Variants in NLGN1 observed in about 807,000 individuals in gnomAD.
The protein encoded by NLGN1 is neuroligin-1.
Under a neutral mutation model 65.5 loss-of-function variants are expected in NLGN1, and 12 were observed. The observed-to-expected ratio is 0.18, with a 90% confidence interval of 0.12 to 0.30. The LOEUF (loss-of-function observed/expected upper bound fraction) is 0.30. Among genes scored for constraint, NLGN1 ranks in the 10% least tolerant of loss-of-function variants. NLGN1 has a pLI of 1.00. For missense variants in NLGN1, 750 were observed against 1,007.1 expected (o/e 0.74, Z 3.46); for synonymous variants, 350 against 359.5 (o/e 0.97, Z 0.30).
intron 4 of NLGN1, among the ~76,000 whole-genome samples, chr3:173,877,739 A>G (rs888005845): frequency 6.6e-6 from 1 of 152,216 alleles, no homozygotes; most frequent in Admixed American, 6.5e-5. Flanking sequence ...TAAAATGTAC[A>G]TATCCAATTT....
chr3:173,710,990 A>G (rs1351593913), intron 3 of NLGN1, among the ~76,000 whole-genome samples: 1 of 152,196 alleles, frequency 6.6e-6, no homozygotes, highest in African/African-American at 2.4e-5. Context: ...GTGTCTGTCT[A>G]TGAGTTTGAG....
chr3:173,509,372 A>ATT (rs1380159264), intron 2 of NLGN1, among the ~76,000 whole-genome samples: 1 of 151,538 alleles, frequency 6.6e-6, no homozygotes, highest in Non-Finnish European at 1.5e-5. Flanking sequence ...ATTTGTTTTT[A>ATT]TTTTTTCAAA....
chr3:173,953,891 A>T (rs755513292), intron 4 of NLGN1, among the ~76,000 whole-genome samples: 8 of 152,064 alleles, frequency 5.3e-5, no homozygotes, highest in African/African-American at 1.7e-4. Context: ...ATGGTCCCCC[A>T]TTTTACTATC....
At chr3:173,763,315 C>T (rs910370404) in intron 3 of NLGN1, among the ~76,000 whole-genome samples, 7 of 152,028 alleles carry the variant, frequency 4.6e-5, no homozygotes, top group Non-Finnish European at 1.0e-4. Context: ...TACATATTCT[C>T]TTGTCTAATT....
chr3:174,265,601 C>T (rs1243937641), intron 4 of NLGN1, among the ~76,000 whole-genome samples: 2 of 151,902 alleles, frequency 1.3e-5, no homozygotes. Flanking sequence ...GTGAGATGAA[C>T]CCGGTACCTC....
At chr3:174,122,489 G>C (rs1717985438) in intron 4 of NLGN1, among the ~76,000 whole-genome samples, 1 of 152,106 alleles carries the variant, frequency 6.6e-6, no homozygotes. Flanking sequence ...GGATCCCTTA[G>C]TCTTTTATTA....
At chr3:174,199,207 C>T (rs1049932458) in intron 4 of NLGN1, among the ~76,000 whole-genome samples, 7 of 152,148 alleles carry the variant, frequency 4.6e-5, no homozygotes, top group African/African-American at 1.2e-4. Context: ...AACCTTGCTA[C>T]GCTGAGAGTA....
intron 4 of NLGN1, among the ~76,000 whole-genome samples, chr3:173,907,785 A>T (rs574009338): frequency 1.5e-3 from 228 of 151,484 alleles, no homozygotes; most frequent in African/African-American, 5.3e-3. Flanking sequence ...GGGTTTCACC[A>T]TGTTGGCCAG....
chr3:174,227,913 T>C (rs929805669), intron 4 of NLGN1, among the ~76,000 whole-genome samples: 1 of 152,092 alleles, frequency 6.6e-6, no homozygotes, highest in African/African-American at 2.4e-5. Flanking sequence ...ATTTGGCCAC[T>C]GTATGAGCAT....
At chr3:174,180,363 G>A (rs945348808) in intron 4 of NLGN1, among the ~76,000 whole-genome samples, 59 of 152,114 alleles carry the variant, frequency 3.9e-4, no homozygotes, top group African/African-American at 1.4e-3. Flanking sequence ...GACTGACCTA[G>A]ACAAATAATT....
intron 3 of NLGN1, among the ~76,000 whole-genome samples, chr3:173,669,110 C>T (rs1219760034): frequency 6.6e-6 from 1 of 151,990 alleles, no homozygotes; most frequent in Admixed American, 6.6e-5. Context: ...AAGTCATTGC[C>T]GGGTTTTAAT....
intron 4 of NLGN1, among the ~76,000 whole-genome samples, chr3:173,828,054 A>G (rs375139928): frequency 6.6e-6 from 1 of 152,138 alleles, no homozygotes; most frequent in Non-Finnish European, 1.5e-5. Context: ...ACATTGACAC[A>G]TGAAATTAAC....
At chr3:173,802,626 C>G (rs775688196) in intron 3 of NLGN1, among the ~76,000 whole-genome samples, 11 of 152,058 alleles carry the variant, frequency 7.2e-5, no homozygotes, top group Non-Finnish European at 1.3e-4. Flanking sequence ...CAAATGTTGA[C>G]TCGACATCAC....
At chr3:174,189,326 G>A (rs1424900857) in intron 4 of NLGN1, among the ~76,000 whole-genome samples, 1 of 151,950 alleles carries the variant, frequency 6.6e-6, no homozygotes, top group Non-Finnish European at 1.5e-5. Context: ...GAAGAATTAT[G>A]GAAGAAGGTG....
intron 3 of NLGN1, among the ~76,000 whole-genome samples, chr3:173,618,792 A>G (rs1753539045): frequency 6.6e-6 from 1 of 152,106 alleles, no homozygotes; most frequent in African/African-American, 2.4e-5. Flanking sequence ...TAAGAATGTT[A>G]TTGACCTATA....
chr3:173,584,172 A>C (rs939358414), intron 2 of NLGN1, among the ~76,000 whole-genome samples: 3 of 151,002 alleles, frequency 2.0e-5, no homozygotes, highest in Non-Finnish European at 2.9e-5. Context: ...AAGTAGTCAT[A>C]TACTATTCAT....
chr3:173,712,772 T>G (rs1454902339), intron 3 of NLGN1, among the ~76,000 whole-genome samples: 1 of 152,128 alleles, frequency 6.6e-6, no homozygotes, highest in Non-Finnish European at 1.5e-5. Context: ...TAGTTGTGTT[T>G]TTTTCTTGAA....
At chr3:174,246,961 C>G (rs1003736383) in intron 4 of NLGN1, among the ~76,000 whole-genome samples, 11 of 152,126 alleles carry the variant, frequency 7.2e-5, no homozygotes, top group African/African-American at 2.7e-4. Flanking sequence ...TGATCCTTAG[C>G]CTCATTATGC....
chr3:173,780,564 A>G (rs79943346), intron 3 of NLGN1, among the ~76,000 whole-genome samples: 221 of 152,328 alleles, frequency 1.5e-3, no homozygotes, highest in African/African-American at 5.1e-3. Flanking sequence ...TGCTAATCCA[A>G]CCATAATGTT....
Sources: allele counts gnomAD v4.1 joint callset (sites outside exome capture counted in the v4.1 genomes callset), GRCh38; gene constraint gnomAD v4.1.1; transcripts MANE v1.5; gene names NCBI Gene and HGNC (gene_info 2026-07-23, HGNC 2026-07-21).